ADGB: variants seen among roughly 807,000 people sequenced by gnomAD.
ADGB encodes the protein androglobin.
In ADGB, 172 loss-of-function variants were observed where a neutral mutation model predicts 210.5. The observed-to-expected ratio is 0.82, with a 90% CI of 0.72 to 0.93. The LOEUF is 0.93. Among genes scored for constraint, ADGB ranks in the 40% least tolerant of loss-of-function variants. The probability of loss-of-function intolerance (pLI) is 0.00; values close to 1 mark genes in which losing one functional copy is unlikely to be tolerated. For missense variants in ADGB, 2,025 were observed against 1,964.8 expected, an observed-to-expected ratio of 1.03 and a Z score of -0.58; for synonymous variants, 658 against 662.7, an observed-to-expected ratio of 0.99 and a Z score of 0.11.
intron 5 of ADGB, among the ~76,000 whole-genome samples, chr6:146,657,374 A>G (rs1214166294): frequency 6.6e-6 from 1 of 151,972 alleles, no homozygotes; most frequent in Non-Finnish European, 1.5e-5. Context: ...GAAGAAAGGA[A>G]GGTTGCCTTG....
intron 23 of ADGB, among the ~76,000 whole-genome samples, chr6:146,739,018 C>G (rs112416470): frequency 8.5e-5 from 13 of 152,218 alleles, no homozygotes; most frequent in African/African-American, 3.1e-4. Context: ...GTATATCACC[C>G]TGGGTCATTC....
chr6:146,646,548 A>G (rs887954496), intron 3 of ADGB, among the ~76,000 whole-genome samples: 1 of 152,032 alleles, frequency 6.6e-6, no homozygotes, highest in African/African-American at 2.4e-5. Context: ...AGGAGTCAAG[A>G]CTCTGTAACT....
At chr6:146,778,985 A>T (rs1777759264) in intron 29 of ADGB, among the ~76,000 whole-genome samples, 1 of 152,104 alleles carries the variant, frequency 6.6e-6, no homozygotes, top group African/African-American at 2.4e-5. Flanking sequence ...CAAGGAAAAA[A>T]CAGCTGGATT....
At chr6:146,633,259 C>A (rs1781090503) in intron 1 of ADGB, among the ~76,000 whole-genome samples, 1 of 152,120 alleles carries the variant, frequency 6.6e-6, no homozygotes, top group South Asian at 2.1e-4. Flanking sequence ...GTCACCAAGC[C>A]AGTCCAAACC....
chr6:146,709,209 T>G (rs1298437732), intron 13 of ADGB, among the ~76,000 whole-genome samples: 1 of 152,250 alleles, frequency 6.6e-6, no homozygotes, highest in Non-Finnish European at 1.5e-5. Context: ...AGGCAGATTA[T>G]AAATCTCTAT....
intron 35 of ADGB, 30 bp downstream of exon 35, chr6:146,802,041 A>G (rs1256585813): frequency 5.0e-6 from 7 of 1,395,132 alleles, no homozygotes; most frequent in Non-Finnish European, 6.5e-6. Flanking sequence ...CATAGATTAT[A>G]GTTGGCAAAT....
intron 35 of ADGB, among the ~76,000 whole-genome samples, chr6:146,807,250 C>T (rs1778225353): frequency 6.6e-6 from 1 of 152,056 alleles, no homozygotes; most frequent in Admixed American, 6.5e-5. Flanking sequence ...TATTGATAAG[C>T]TTTTGAGACC....
At chr6:146,630,328 T>G (rs936828930) in intron 1 of ADGB, among the ~76,000 whole-genome samples, 7 of 151,964 alleles carry the variant, frequency 4.6e-5, no homozygotes, top group Non-Finnish European at 8.8e-5. Flanking sequence ...AAGGCCAAGG[T>G]GGAAGGATCA....
Position 146,784,747 on chromosome 6 carries a change from G to A in ADGB, c.4165G>A (p.Ala1389Thr). ...TACAGAAAGGGCAGATGAAATCCGA[G>A]CCATGAAACAAGCCTGGGAGACAAC... The part of the protein sequence containing the change: ...KDTERADEIR[A>T]MKQAWETTEP... The change falls in exon 31 of 36, where the codon GCC becomes ACC. Residue 1389 changes from alanine to threonine, a missense_variant. Transcript: ENST00000397944. The A allele has an allele frequency of 6.4e-7, 1 of 1,551,178 alleles. No homozygotes were observed. The highest frequency in any genetic ancestry group is 1.7e-4 in the Middle Eastern group (1 of 5,990).
At chr6:146,679,059 A>G (rs951984364) in intron 9 of ADGB, among the ~76,000 whole-genome samples, 3 of 152,164 alleles carry the variant, frequency 2.0e-5, no homozygotes, top group Admixed American at 6.5e-5. Flanking sequence ...AAGATGTCTG[A>G]AATCAAAACA....
intron 1 of ADGB, among the ~76,000 whole-genome samples, chr6:146,616,668 C>T (rs1780804869): frequency 6.6e-6 from 1 of 151,996 alleles, no homozygotes; most frequent in African/African-American, 2.4e-5. Context: ...TTCCCCAGTA[C>T]CATTTATTAA....
rs568569773 is a variant in ADGB, at chr6:146,732,715, T to C, written c.2521-405T>C. Among the ~76,000 whole-genome samples, 13 of 152,278 alleles carry C rather than the reference T, an allele frequency of 8.5e-5. No individual in the cohort carries two copies. In the South Asian group the frequency reaches 2.7e-3, roughly 32 times the overall value. ...TACTATTAAGTGATTAAAAAAACTC[T>C]AAGAAACATATTTTCATTTTATGTA... On this transcript the variant is annotated intron_variant, in intron 20 of 35. Coordinates refer to ENST00000397944, the MANE Select transcript of ADGB (RefSeq NM_024694.4).
chr6:146,808,864 C>T (rs259384), intron 35 of ADGB, among the ~76,000 whole-genome samples: 101,231 of 151,068 alleles, frequency 0.67, 35,286 homozygotes, highest in African/African-American at 0.88. Flanking sequence ...AACACCAGGT[C>T]GTGGGGGTGA....
At chr6:146,685,976 A>G (rs1445777395) in intron 10 of ADGB, 148 bp downstream of exon 10, 1 of 478,014 alleles carries the variant, frequency 2.1e-6, no homozygotes, top group African/African-American at 2.0e-5. Flanking sequence ...TTAAAATTAG[A>G]TACTCGACCT....
Position 146,782,196 on chromosome 6 carries a change from G to T in ADGB, c.4035+4G>T, listed in dbSNP as rs1361755711. The T allele has an allele frequency of 2.6e-6, 4 of 1,511,318 alleles. No homozygotes were observed. The South Asian group carries it at 5.2e-5, about 20-fold the overall frequency. 93.6% of individuals were successfully genotyped at this position (1,511,318 alleles called of 1,614,324 possible). A position where few individuals can be genotyped will look rare whatever the true frequency, so the allele number is the denominator to read the frequency against. ...AGCACCTCGCTTTGAGCCTCAGGTG[G>T]GTGTGGAATTTTTTTTATTTGAGTG... On this transcript the variant is annotated splice_donor_region_variant and intron_variant, in intron 30 of 35. Coordinates refer to ENST00000397944, the MANE Select transcript of ADGB (RefSeq NM_024694.4).
intron 4 of ADGB, 86 bp downstream of exon 4, chr6:146,654,292 C>T: frequency 2.5e-6 from 2 of 786,064 alleles, no homozygotes; most frequent in Non-Finnish European, 4.0e-6. Context: ...GATTTCAACT[C>T]TCCCTTGCTC....
chr6:146,717,434 T>C, intron 15 of ADGB, 102 bp from the exon 16 acceptor site: 1 of 662,140 alleles, frequency 1.5e-6, no homozygotes, highest in Non-Finnish European at 2.5e-6. Flanking sequence ...GTTGTTATTT[T>C]TTAACTTTCT....
At chr6:146,630,800 T>G (rs1238412003) in intron 1 of ADGB, among the ~76,000 whole-genome samples, 1 of 152,198 alleles carries the variant, frequency 6.6e-6, no homozygotes, top group East Asian at 1.9e-4. Flanking sequence ...AAAATCCACC[T>G]AAGCACAGAA....
chr6:146,750,551 T>C lies in ADGB; in HGVS notation c.3366-1979T>C, dbSNP rs561370431. On this transcript the variant is annotated intron_variant, in intron 26 of 35. Coordinates refer to ENST00000397944, the MANE Select transcript of ADGB (RefSeq NM_024694.4). ...CAGCCTGTGTGAACTTTTCCATATA[T>C]ATAGAGAGAAAAAAGTGTTGTCTTT... 1.4e-4 allele frequency among the ~76,000 whole-genome samples: 22 copies of C among 152,062 alleles called. No homozygotes were observed. In the South Asian group the frequency reaches 3.5e-3, roughly 24 times the overall value.
Sources: allele counts gnomAD v4.1 joint callset (sites outside exome capture counted in the v4.1 genomes callset), GRCh38; gene constraint gnomAD v4.1.1; transcripts MANE v1.5; gene names NCBI Gene and HGNC (gene_info 2026-07-23, HGNC 2026-07-21).